The following MGMT variants were observed in gnomAD, a reference collection of about 807,000 sequenced individuals.
The protein encoded by MGMT is O-6-methylguanine-DNA methyltransferase, also known as methylated-DNA--protein-cysteine methyltransferase.
MGMT carries 14 observed loss-of-function variants against 15.9 expected under a neutral mutation model. That is an observed-to-expected ratio of 0.88 (90% CI 0.58 to 1.37). The LOEUF (loss-of-function observed/expected upper bound fraction) is 1.37, where lower values mean the gene tolerates loss of function less well. Ranked by LOEUF, MGMT falls within the 40% of genes most tolerant of loss-of-function variation. The probability of loss-of-function intolerance (pLI) is 0.00; values close to 1 mark genes in which losing one functional copy is unlikely to be tolerated. For missense variants in MGMT, 282 were observed against 268.1 expected (o/e 1.05, Z -0.36); for synonymous variants, 130 against 118.2 (o/e 1.10, Z -0.65).
At chr10:129,765,846 A>C (rs1848927419) in intron 4 of MGMT, among the ~76,000 whole-genome samples, 1 of 152,118 alleles carries the variant, frequency 6.6e-6, no homozygotes, top group Non-Finnish European at 1.5e-5. Context: ...CAGCACCTAC[A>C]TGGAAACCAG....
At chr10:129,616,513 G>A (rs1248286730) in intron 2 of MGMT, among the ~76,000 whole-genome samples, 2 of 152,162 alleles carry the variant, frequency 1.3e-5, no homozygotes, top group Non-Finnish European at 2.9e-5. Context: ...TCCTCCTCCC[G>A]CCATCCTCCC....
intron 2 of MGMT, among the ~76,000 whole-genome samples, chr10:129,617,032 T>C (rs1847035783): frequency 6.6e-6 from 1 of 152,208 alleles, no homozygotes; most frequent in Admixed American, 6.5e-5. Context: ...AACTTGCCTA[T>C]CACAGGGGTT....
At chr10:129,658,012 C>T (rs1847552319) in intron 2 of MGMT, among the ~76,000 whole-genome samples, 1 of 152,080 alleles carries the variant, frequency 6.6e-6, no homozygotes, top group African/African-American at 2.4e-5. Flanking sequence ...CTCCCCCATC[C>T]CCCAAAGATC....
At chr10:129,611,767 TGC>T (rs1470497177) in intron 2 of MGMT, among the ~76,000 whole-genome samples, 2 of 152,158 alleles carry the variant, frequency 1.3e-5, no homozygotes, top group Non-Finnish European at 2.9e-5. Context: ...TTGGATGAGA[TGC>T]TTCTCCCTCG....
intron 2 of MGMT, among the ~76,000 whole-genome samples, chr10:129,570,349 C>T (rs146987377): frequency 1.8e-4 from 28 of 152,380 alleles, no homozygotes; most frequent in African/African-American, 6.5e-4. Context: ...TTACAGGTCA[C>T]GAGTCCAGTG....
Position 129,581,892 on chromosome 10 carries a change from T to C in MGMT, c.125+45515T>C, listed in dbSNP as rs370267837. 8.7e-4 allele frequency among the ~76,000 whole-genome samples: 133 copies of C among 152,332 alleles called. 1 individual carries two copies. The South Asian group carries it at 0.012, about 13-fold the overall frequency. ...TATTTTCAACAGTTTCTATCCTTAA[T>C]ATTTAAAAAATAGGAAAGTGTACTC... On this transcript the variant is annotated intron_variant, in intron 2 of 4. Coordinates refer to ENST00000651593, the MANE Select transcript of MGMT (RefSeq NM_002412.5).
chr10:129,765,410 G>C (rs79324395), intron 4 of MGMT, among the ~76,000 whole-genome samples: 2,337 of 152,336 alleles, frequency 0.015, 26 homozygotes, highest in Middle Eastern at 0.024. Flanking sequence ...CATGCAGGCT[G>C]TGTGGCCATC....
chr10:129,765,138 C>G (rs759923268), intron 4 of MGMT, among the ~76,000 whole-genome samples: 52 of 152,080 alleles, frequency 3.4e-4, no homozygotes, highest in Non-Finnish European at 4.9e-4. Context: ...GGCATGTCCC[C>G]CCACACGTCC....
chr10:129,484,212 G>C (rs772440474), intron 1 of MGMT, among the ~76,000 whole-genome samples: 6 of 152,118 alleles, frequency 3.9e-5, no homozygotes, highest in Non-Finnish European at 7.4e-5. Flanking sequence ...TATTTCTTCA[G>C]ATATTTTTCC....
At chr10:129,540,230 C>G (rs564845160) in intron 2 of MGMT, among the ~76,000 whole-genome samples, 1 of 152,274 alleles carries the variant, frequency 6.6e-6, no homozygotes, top group African/African-American at 2.4e-5. Context: ...GTATGTTGAT[C>G]TTATATTCTG....
intron 3 of MGMT, among the ~76,000 whole-genome samples, chr10:129,747,471 A>T (rs546329611): frequency 4.6e-5 from 7 of 152,328 alleles, no homozygotes; most frequent in Non-Finnish European, 1.5e-5. Context: ...TATTAATATG[A>T]TAGCTATTGT....
chr10:129,674,829 A>T (rs989169284), intron 2 of MGMT, among the ~76,000 whole-genome samples: 5 of 152,166 alleles, frequency 3.3e-5, no homozygotes, highest in African/African-American at 1.2e-4. Flanking sequence ...CGTGCTAGGA[A>T]CACAGCAGTG....
chr10:129,523,886 C>T (rs1252401677), intron 1 of MGMT, among the ~76,000 whole-genome samples: 2 of 152,298 alleles, frequency 1.3e-5, no homozygotes, highest in Non-Finnish European at 2.9e-5. Context: ...GAGTTAGGGT[C>T]AGATTCCCAT....
intron 3 of MGMT, among the ~76,000 whole-genome samples, chr10:129,753,677 A>G (rs1159211920): frequency 2.0e-5 from 3 of 152,024 alleles, no homozygotes; most frequent in East Asian, 1.9e-4. Flanking sequence ...GATAGCTTCT[A>G]TTTGTGTTTT....
chr10:129,726,721 ATCT>A (rs950356496), intron 3 of MGMT, among the ~76,000 whole-genome samples: 2 of 152,138 alleles, frequency 1.3e-5, no homozygotes, highest in Admixed American at 6.5e-5. Context: ...AAAATGAAAA[ATCT>A]TCTCACTCTT....
chr10:129,764,704 G>A (rs754971743), intron 4 of MGMT, among the ~76,000 whole-genome samples: 56 of 152,234 alleles, frequency 3.7e-4, no homozygotes, highest in Non-Finnish European at 2.8e-4. Flanking sequence ...GAGTGGAGTC[G>A]GAGTGATACC....
intron 3 of MGMT, among the ~76,000 whole-genome samples, chr10:129,738,971 T>C (rs1002136956): frequency 6.6e-6 from 1 of 152,216 alleles, no homozygotes; most frequent in African/African-American, 2.4e-5. Flanking sequence ...CAAGTCGGCT[T>C]CATCCCTGGG....
At chr10:129,559,333 G>A (rs1320035622) in intron 2 of MGMT, among the ~76,000 whole-genome samples, 42 of 151,984 alleles carry the variant, frequency 2.8e-4, no homozygotes, top group Admixed American at 2.8e-3. Context: ...TTTGCCCTGC[G>A]ATCCCATAAG....
intron 2 of MGMT, among the ~76,000 whole-genome samples, chr10:129,674,958 G>A (rs1355991192): frequency 1.3e-5 from 2 of 152,230 alleles, no homozygotes; most frequent in Admixed American, 6.5e-5. Flanking sequence ...GCACTGCCCA[G>A]GAGAAGTATG....
Sources: allele counts gnomAD v4.1 joint callset (sites outside exome capture counted in the v4.1 genomes callset), GRCh38; gene constraint gnomAD v4.1.1; transcripts MANE v1.5; gene names NCBI Gene and HGNC (gene_info 2026-07-23, HGNC 2026-07-21).